Variants in LPP observed in about 807,000 individuals in gnomAD.
LPP encodes the protein lipoma-preferred partner.
Under a neutral mutation model 60.4 loss-of-function variants are expected in LPP, and 38 were observed. The ratio of observed to expected loss-of-function variants is 0.63; its 90% CI spans 0.49 to 0.83. The LOEUF (loss-of-function observed/expected upper bound fraction) is 0.83, where lower values mean the gene tolerates loss of function less well. Among genes scored for constraint, LPP ranks in the 40% least tolerant of loss-of-function variants. The probability of loss-of-function intolerance (pLI) is 0.00; values close to 1 mark genes in which losing one functional copy is unlikely to be tolerated. For missense variants in LPP, 902 were observed against 783.6 expected (o/e 1.15, Z -1.80); for synonymous variants, 328 against 290.8 (o/e 1.13, Z -1.30).
At chr3:188,345,269 T>G in intron 3 of LPP, among the ~76,000 whole-genome samples, 1 of 152,212 alleles carries the variant, frequency 6.6e-6, no homozygotes, top group Non-Finnish European at 1.5e-5. Flanking sequence ...TAAACATAAA[T>G]GGACTCCAGG....
At chr3:188,749,134 C>T (rs1727234495) in intron 8 of LPP, among the ~76,000 whole-genome samples, 1 of 152,184 alleles carries the variant, frequency 6.6e-6, no homozygotes, top group Non-Finnish European at 1.5e-5. Context: ...GTGTCCCACG[C>T]AATACTCCTA....
rs891547011 is a variant in LPP at position 188,414,201 on chromosome 3, T to C, written c.193+7888T>C. 1.3e-5 allele frequency among the ~76,000 whole-genome samples: 2 copies of C among 152,164 alleles called. 1 individual carries two copies. The highest frequency in any genetic ancestry group is 4.2e-4 in the South Asian group (2 of 4,818). On this transcript the variant is annotated intron_variant, in intron 4 of 11. Transcript: ENST00000617246. ...AATAAATGCATTTTATAACTTTACA[T>C]ATAATTACCAATAACTATTCAAAAT...
chr3:188,672,382 AC>A (rs1857124898), intron 7 of LPP, among the ~76,000 whole-genome samples: 1 of 151,914 alleles, frequency 6.6e-6, no homozygotes, highest in Admixed American at 6.6e-5. Flanking sequence ...CCTGTTTGGT[AC>A]ATTATCTTGT....
chr3:188,583,084 A>AT (rs1560595357), intron 6 of LPP, among the ~76,000 whole-genome samples: 1 of 152,242 alleles, frequency 6.6e-6, no homozygotes. Flanking sequence ...TTCCTGTAGT[A>AT]TAAGACAGTG....
chr3:188,578,498 GT>G (rs1234010253), intron 6 of LPP, among the ~76,000 whole-genome samples: 1 of 152,104 alleles, frequency 6.6e-6, no homozygotes, highest in Non-Finnish European at 1.5e-5. Flanking sequence ...TATGCTACTA[GT>G]TTTAGTTATT....
At chr3:188,849,541 A>T (rs369193234) in intron 9 of LPP, among the ~76,000 whole-genome samples, 2 of 152,204 alleles carry the variant, frequency 1.3e-5, no homozygotes, top group African/African-American at 4.8e-5. Context: ...TTATATGTCC[A>T]TACGGGATGC....
At chr3:188,404,886 C>T (rs1783078020) in intron 3 of LPP, among the ~76,000 whole-genome samples, 1 of 152,130 alleles carries the variant, frequency 6.6e-6, no homozygotes, top group Non-Finnish European at 1.5e-5. Flanking sequence ...CTTGGAGAGC[C>T]CTCCTCGGCA....
At chr3:188,384,705 G>T (rs1011769833) in intron 3 of LPP, among the ~76,000 whole-genome samples, 1 of 146,276 alleles carries the variant, frequency 6.8e-6, no homozygotes, top group Non-Finnish European at 1.5e-5. Context: ...CAGGAGAATC[G>T]CTTGAACCAC....
intron 9 of LPP, among the ~76,000 whole-genome samples, chr3:188,814,098 C>T (rs1751827677): frequency 6.6e-6 from 1 of 151,988 alleles, no homozygotes; most frequent in Admixed American, 6.6e-5. Context: ...CACATACATA[C>T]AGACCCACAC....
At chr3:188,589,876 T>C (rs1379664043) in intron 6 of LPP, among the ~76,000 whole-genome samples, 8 of 152,356 alleles carry the variant, frequency 5.3e-5, no homozygotes, top group African/African-American at 1.2e-4. Context: ...TGTAGCTCCA[T>C]TTGAAAAGAT....
intron 4 of LPP, among the ~76,000 whole-genome samples, chr3:188,436,874 G>A (rs1792447016): frequency 6.6e-6 from 1 of 152,082 alleles, no homozygotes; most frequent in African/African-American, 2.4e-5. Context: ...GGGTTGGGGT[G>A]TGGGGTGGCA....
In LPP at chr3:188,882,632, A is replaced by G. The variant is rs117457518; in HGVS notation, c.*8153A>G. ...GACCCTCCACAAAAGAACAAGCAGG[A>G]CATCTCTATTTTCCTATTGAGTCTG... On this transcript the variant is annotated 3_prime_UTR_variant, in exon 12 of 12. Transcript: ENST00000617246. 9.0e-6 allele frequency: 2 copies of G among 221,178 alleles called. No individual in the cohort carries two copies. Among genetic ancestry groups the G allele is most frequent in the African/African-American group, 4.5e-5 (2 of 44,626 alleles). 13.7% of individuals were successfully genotyped at this position (221,178 alleles called of 1,614,324 possible). A position where few individuals can be genotyped will look rare whatever the true frequency, so the allele number is the denominator to read the frequency against.
intron 8 of LPP, chr3:188,712,104 C>T (rs1379560337): frequency 2.0e-5 from 3 of 152,136 alleles, no homozygotes; most frequent in South Asian, 2.1e-4. Context: ...AGGCTAAGAA[C>T]GTTATTGTCT....
intron 9 of LPP, among the ~76,000 whole-genome samples, chr3:188,863,117 G>A (rs1409469549): frequency 6.6e-6 from 1 of 152,088 alleles, no homozygotes; most frequent in African/African-American, 2.4e-5. Flanking sequence ...CTGATAAGGG[G>A]TTATCCAGTT....
intron 6 of LPP, among the ~76,000 whole-genome samples, chr3:188,582,159 T>C (rs866783096): frequency 0.21 from 16,315 of 76,676 alleles, 933 homozygotes; most frequent in East Asian, 0.29. Flanking sequence ...TTTTTCTTTT[T>C]TTTTTTTTTT....
intron 9 of LPP, among the ~76,000 whole-genome samples, chr3:188,781,469 C>A (rs1011562539): frequency 6.6e-6 from 1 of 152,062 alleles, no homozygotes; most frequent in South Asian, 2.1e-4. Context: ...TTAATTGGCT[C>A]ACAGTTCCAC....
intron 4 of LPP, among the ~76,000 whole-genome samples, chr3:188,446,384 A>G (rs1795237663): frequency 6.6e-6 from 1 of 152,208 alleles, no homozygotes; most frequent in Non-Finnish European, 1.5e-5. Context: ...TCAAAACATC[A>G]TGAAATTGAC....
intron 6 of LPP, among the ~76,000 whole-genome samples, chr3:188,590,219 A>T (rs1041744020): frequency 6.6e-6 from 1 of 152,232 alleles, no homozygotes; most frequent in Non-Finnish European, 1.5e-5. Context: ...GAGAATATCT[A>T]GGAACAATCT....
chr3:188,337,336 G>A (rs758545925), intron 2 of LPP, among the ~76,000 whole-genome samples: 2 of 152,218 alleles, frequency 1.3e-5, no homozygotes, highest in African/African-American at 4.8e-5. Flanking sequence ...GGGGAAGCAC[G>A]GCTATGTGGA....
Sources: allele counts gnomAD v4.1 joint callset (sites outside exome capture counted in the v4.1 genomes callset), GRCh38; gene constraint gnomAD v4.1.1; transcripts MANE v1.5; gene names NCBI Gene and HGNC (gene_info 2026-07-23, HGNC 2026-07-21).